JOSD1: variants seen among roughly 807,000 people sequenced by gnomAD.
JOSD1 encodes the protein josephin-1.
In JOSD1, 11 loss-of-function variants were observed where a neutral mutation model predicts 24.3. That is an observed-to-expected ratio of 0.45 (90% CI 0.29 to 0.75). The LOEUF (loss-of-function observed/expected upper bound fraction) is 0.75. Among genes scored for constraint, JOSD1 ranks in the 30% least tolerant of loss-of-function variants. The pLI is 0.11. For synonymous variants in JOSD1, 106 were observed against 93.8 expected (o/e 1.13, Z -0.75); for missense variants, 184 against 253.5 (o/e 0.73, Z 1.86).
Position 38,699,877 on chromosome 22 carries a change from G to C in JOSD1, c.111C>G (p.Ala37=), listed in dbSNP as rs182770346. ...YHEKQRRELC[A]LHALNNVFQD... ...GGAAGACGTTATTGAGGGCGTGGAG[G>C]GCACAAAGCTCCCTGCGCTGTTTCT... Residue 37 remains alanine (A), a synonymous_variant, in exon 2 of 5, where the codon GCC becomes GCG. Coordinates refer to ENST00000683374, the MANE Select transcript of JOSD1 (RefSeq NM_001360236.2). 2 of 1,614,174 alleles carry C rather than the reference G, an allele frequency of 1.2e-6. No homozygotes were observed. The highest frequency in any genetic ancestry group is 2.2e-5 in the East Asian group (1 of 44,878).
Position 38,696,195 on chromosome 22 carries a change from T to C in JOSD1, c.185+3608A>G, listed in dbSNP as rs554246528. Among the ~76,000 whole-genome samples, 3 of 152,208 alleles carry C rather than the reference T, an allele frequency of 2.0e-5. No homozygotes were observed. In the South Asian group the frequency reaches 6.2e-4, roughly 32 times the overall value. The stretch of plus-strand genomic sequence containing the variant: ...AAACCACCTAGCAAAGCTGCCATCA[T>C]GTAATTTGATTTCTATGACCCTTTT... On this transcript the variant is annotated intron_variant, in intron 2 of 4. Coordinates refer to ENST00000683374, the MANE Select transcript of JOSD1 (RefSeq NM_001360236.2).
intron 2 of JOSD1, among the ~76,000 whole-genome samples, chr22:38,696,880 C>G (rs2092548257): frequency 6.6e-6 from 1 of 152,228 alleles, no homozygotes; most frequent in African/African-American, 2.4e-5. Flanking sequence ...GGCTAAAATT[C>G]AACTGCTAGG....
chr22:38,686,896 A>G lies in JOSD1; in HGVS notation c.*1006T>C, dbSNP rs1864273723. On this transcript the variant is annotated 3_prime_UTR_variant, in exon 5 of 5. Coordinates refer to ENST00000683374, the MANE Select transcript of JOSD1 (RefSeq NM_001360236.2). ...TTTTGTCCCAGAGCCTCCTAAATCA[A>G]TGCTGCGAAATGGTAGGGACAACAC... 1 of 152,222 alleles carries G rather than the reference A, an allele frequency of 6.6e-6. No homozygotes were observed. Among genetic ancestry groups the G allele is most frequent in the Non-Finnish European group, 1.5e-5 (1 of 68,034 alleles). 9.4% of individuals were successfully genotyped at this position (152,222 alleles called of 1,614,324 possible). A position where few individuals can be genotyped will look rare whatever the true frequency, so the allele number is the denominator to read the frequency against.
At chr22:38,690,349 GA>G (rs2092516462) in intron 2 of JOSD1, among the ~76,000 whole-genome samples, 1 of 152,078 alleles carries the variant, frequency 6.6e-6, no homozygotes, top group African/African-American at 2.4e-5. Context: ...AAAAACTTAA[GA>G]AATCTTGTAT....
At chr22:38,694,165 A>G (rs758418854) in intron 2 of JOSD1, among the ~76,000 whole-genome samples, 15 of 152,240 alleles carry the variant, frequency 9.9e-5, no homozygotes, top group Non-Finnish European at 1.6e-4. Flanking sequence ...TCACCACACC[A>G]GCACTTGCTT....
At position 38,688,936 on chromosome 22, in the gene JOSD1, T is replaced by G. The variant is rs764778916; in HGVS notation, c.508A>C (p.Arg170=). 6 of 1,612,476 alleles carry G rather than the reference T, an allele frequency of 3.7e-6. No homozygotes were observed. In the East Asian group the frequency reaches 1.3e-4, roughly 36 times the overall value. The change falls in exon 4 of 5, where the codon AGG becomes CGG. Residue 170 remains arginine (R), a splice_region_variant and synonymous_variant. Coordinates refer to ENST00000683374, the MANE Select transcript of JOSD1 (RefSeq NM_001360236.2). ...PEWIGGESEL[R]KFLKHHLRGK... is the part of the protein sequence containing the mutation. ...TTAGTCACAAAAGGTGCCGATTACCTGAGCTCGCTCTCGCCTCCAATCCAC... is the reference window on the plus strand; with the variant it reads ...TTAGTCACAAAAGGTGCCGATTACCGGAGCTCGCTCTCGCCTCCAATCCAC...
At chr22:38,693,586 T>C (rs775460931) in intron 2 of JOSD1, among the ~76,000 whole-genome samples, 3 of 152,184 alleles carry the variant, frequency 2.0e-5, no homozygotes, top group Non-Finnish European at 2.9e-5. Context: ...ACCATGATCA[T>C]ATGGCCTTTA....
chr22:38,694,326 C>A (rs561186674), intron 2 of JOSD1, among the ~76,000 whole-genome samples: 1 of 152,336 alleles, frequency 6.6e-6, no homozygotes, highest in Non-Finnish European at 1.5e-5. Flanking sequence ...AGTGGCAGGG[C>A]TAGGGTCAGC....
At chr22:38,695,242 TAAC>T (rs751867639) in intron 2 of JOSD1, among the ~76,000 whole-genome samples, 1 of 152,162 alleles carries the variant, frequency 6.6e-6, no homozygotes, top group South Asian at 2.1e-4. Context: ...GGTTAATACT[TAAC>T]AACAACTTTT....
chr22:38,695,824 A>G (rs1215987499), intron 2 of JOSD1, among the ~76,000 whole-genome samples: 2 of 152,020 alleles, frequency 1.3e-5, no homozygotes, highest in Admixed American at 1.3e-4. Context: ...TTGGGAGGCC[A>G]AGGTGGGTGG....
chr22:38,693,951 T>C lies in JOSD1; in HGVS notation c.186-4527A>G, dbSNP rs62230031. Reference sequence around the variant, plus strand: ...AAAAATGGAAATAATTACTATTTTATAGGACTGTTGGAGAATTCAGTTATT... The same window carrying C: ...AAAAATGGAAATAATTACTATTTTACAGGACTGTTGGAGAATTCAGTTATT... On this transcript the variant is annotated intron_variant, in intron 2 of 4. Coordinates refer to ENST00000683374, the MANE Select transcript of JOSD1 (RefSeq NM_001360236.2). Among the ~76,000 whole-genome samples the C allele has an allele frequency of 3.5e-3, 530 of 152,378 alleles. 3 individuals are homozygous for C. Among genetic ancestry groups the C allele is most frequent in the Non-Finnish European group, 5.9e-3 (403 of 68,040 alleles).
chr22:38,699,746 C>CA (rs2092559960), intron 2 of JOSD1, 57 bp downstream of exon 2: 1 of 1,535,048 alleles, frequency 6.5e-7, no homozygotes, highest in Admixed American at 1.7e-5. Context: ...GACACTGCCC[C>CA]ACCCACAGAA....
chr22:38,694,280 G>A (rs1256406743), intron 2 of JOSD1, among the ~76,000 whole-genome samples: 1 of 152,198 alleles, frequency 6.6e-6, no homozygotes, highest in African/African-American at 2.4e-5. Context: ...GAGGTGCAAA[G>A]GTTATGGTGA....
At chr22:38,689,868 A>T (rs1482685136) in intron 2 of JOSD1, among the ~76,000 whole-genome samples, 1 of 151,594 alleles carries the variant, frequency 6.6e-6, no homozygotes, top group Non-Finnish European at 1.5e-5. Context: ...AGGCAATAAA[A>T]AGTAGTGAGG....
At chr22:38,701,095 C>A, upstream of JOSD1, 2 of 585,432 alleles carry the variant, frequency 3.4e-6, no homozygotes, top group Non-Finnish European at 4.3e-6. Context: ...GCCTGGGAGC[C>A]GCAGACGCCG....
intron 2 of JOSD1, among the ~76,000 whole-genome samples, chr22:38,698,766 T>A (rs2092555424): frequency 6.6e-6 from 1 of 152,122 alleles, no homozygotes; most frequent in Non-Finnish European, 1.5e-5. Flanking sequence ...AAAGCTGAAC[T>A]TCTTTTTTTG....
Position 38,700,832 on chromosome 22 carries a change from C to T in JOSD1, c.-664G>A. 1 of 984,650 alleles carries T rather than the reference C, an allele frequency of 1.0e-6. No individual in the cohort carries two copies. The highest frequency in any genetic ancestry group is 1.2e-6 in the Non-Finnish European group (1 of 829,636). The allele number at this position is 984,650 out of a possible 1,614,324, so 61.0% of individuals were successfully genotyped here. ...CCCGTCACGTGAGCGCAGGCCCAGA[C>T]GCCCTCCCGCCGCGCCCCCGGCCGC... On this transcript the variant is annotated 5_prime_UTR_variant, in exon 1 of 5. Coordinates refer to ENST00000683374, the MANE Select transcript of JOSD1 (RefSeq NM_001360236.2).
chr22:38,700,934 G>C lies in JOSD1; in HGVS notation c.-766C>G. On this transcript the variant is annotated 5_prime_UTR_variant, in exon 1 of 5. Coordinates refer to ENST00000683374, the MANE Select transcript of JOSD1 (RefSeq NM_001360236.2). ...CCGGCCGCCACCTGGAGTGCGCGCC[G>C]CCAACTGGGCCGTGCGGGCGGGCGC... 1 of 984,498 alleles carries C rather than the reference G, an allele frequency of 1.0e-6. No individual in the cohort carries two copies. Among genetic ancestry groups the C allele is most frequent in the Non-Finnish European group, 1.2e-6 (1 of 829,598 alleles). 61.0% of individuals were successfully genotyped at this position (984,498 alleles called of 1,614,324 possible). A position where few individuals can be genotyped will look rare whatever the true frequency, so the allele number is the denominator to read the frequency against.
chr22:38,692,473 C>T (rs1201154139), intron 2 of JOSD1, among the ~76,000 whole-genome samples: 3 of 152,162 alleles, frequency 2.0e-5, no homozygotes, highest in East Asian at 1.9e-4. Context: ...GGTACTCACA[C>T]GTTTGGATTA....
Sources: allele counts gnomAD v4.1 joint callset (sites outside exome capture counted in the v4.1 genomes callset), GRCh38; gene constraint gnomAD v4.1.1; transcripts MANE v1.5; gene names NCBI Gene and HGNC (gene_info 2026-07-23, HGNC 2026-07-21).